The following RPA1 variants were observed in gnomAD, a reference collection of about 807,000 sequenced individuals.
RPA1 encodes replication protein A 70 kDa DNA-binding subunit.
Under a neutral mutation model 83.0 loss-of-function variants are expected in RPA1, and 49 were observed. That is an observed-to-expected ratio of 0.59 (90% CI 0.47 to 0.75). The LOEUF (loss-of-function observed/expected upper bound fraction) is 0.75, where lower values mean the gene tolerates loss of function less well. Ranked by LOEUF, RPA1 falls within the 30% of genes least tolerant of loss-of-function variation. The probability of loss-of-function intolerance (pLI) is 0.00; values close to 1 mark genes in which losing one functional copy is unlikely to be tolerated. For missense variants in RPA1, 693 were observed against 776.1 expected, an observed-to-expected ratio of 0.89 and a Z score of 1.27; for synonymous variants, 279 against 281.8, an observed-to-expected ratio of 0.99 and a Z score of 0.10.
chr17:1,851,600 G>A lies in RPA1; in HGVS notation c.273-1501G>A, dbSNP rs77677135. On this transcript the variant is annotated intron_variant, in intron 4 of 16. Coordinates refer to ENST00000254719, the MANE Select transcript of RPA1 (RefSeq NM_002945.5). ...GCTGATATTTTATTTAGGATTTATGGGATATTGCAGGATGAAATTAGTTTT... is the reference window on the plus strand; with the variant it reads ...GCTGATATTTTATTTAGGATTTATGAGATATTGCAGGATGAAATTAGTTTT... 3.6e-3 allele frequency among the ~76,000 whole-genome samples: 545 copies of A among 152,138 alleles called. 5 individuals carry two copies. The highest frequency in any genetic ancestry group is 0.013 in the African/African-American group (526 of 41,496).
chr17:1,877,738 G>C (rs992310797), intron 8 of RPA1, among the ~76,000 whole-genome samples: 3 of 152,172 alleles, frequency 2.0e-5, no homozygotes, highest in African/African-American at 7.2e-5. Flanking sequence ...TGAGCGCCGT[G>C]GAGCTTTGGG....
chr17:1,880,721 A>C (rs776868271), intron 12 of RPA1, 30 bp downstream of exon 12: 33 of 1,608,144 alleles, frequency 2.1e-5, no homozygotes, highest in Non-Finnish European at 2.8e-5. Context: ...ACAAAGGGTT[A>C]CTTGAGGCTG....
chr17:1,837,659 A>G (rs527586481), intron 1 of RPA1, among the ~76,000 whole-genome samples: 5 of 152,036 alleles, frequency 3.3e-5, no homozygotes, highest in East Asian at 3.9e-4. Context: ...TTTTATTTGT[A>G]TTTCTCTGGT....
intron 5 of RPA1, chr17:1,858,557 G>A (rs528951994): frequency 6.8e-4 from 446 of 660,608 alleles, no homozygotes; most frequent in Non-Finnish European, 8.4e-4. Context: ...TCCGCCTCCC[G>A]GGTTCAAGCG....
At chr17:1,865,735 A>G (rs904172205) in intron 5 of RPA1, among the ~76,000 whole-genome samples, 4 of 152,066 alleles carry the variant, frequency 2.6e-5, no homozygotes, top group Admixed American at 2.6e-4. Context: ...TCCGTACTCC[A>G]CTTTGCCTAC....
At chr17:1,837,293 T>C (rs770067510) in intron 1 of RPA1, among the ~76,000 whole-genome samples, 52 of 152,190 alleles carry the variant, frequency 3.4e-4, no homozygotes, top group Non-Finnish European at 6.9e-4. Context: ...GATTTACCCA[T>C]GTTAATTCAG....
chr17:1,893,095 C>CT (rs933580418), intron 15 of RPA1, among the ~76,000 whole-genome samples: 15 of 152,278 alleles, frequency 9.9e-5, no homozygotes, highest in African/African-American at 2.9e-4. Flanking sequence ...TGCCCTGACT[C>CT]TTTTTTTAAA....
chr17:1,868,221 T>C (rs1913252450), intron 5 of RPA1, among the ~76,000 whole-genome samples: 1 of 152,216 alleles, frequency 6.6e-6, no homozygotes, highest in African/African-American at 2.4e-5. Context: ...CAGGATTACT[T>C]ACTCTCGAAT....
At chr17:1,896,944 T>A in intron 16 of RPA1, 127 bp from the exon 17 acceptor site, 1 of 754,660 alleles carries the variant, frequency 1.3e-6, no homozygotes. Flanking sequence ...CTCACTGGAA[T>A]GACTGAACTC....
At chr17:1,837,671 G>A (rs1597416470) in intron 1 of RPA1, among the ~76,000 whole-genome samples, 2 of 152,262 alleles carry the variant, frequency 1.3e-5, no homozygotes, top group East Asian at 1.9e-4. Flanking sequence ...TTCTCTGGTG[G>A]CTAGTGACGT....
chr17:1,883,684 C>T (rs1002263225), intron 12 of RPA1, 128 bp from the exon 13 acceptor site: 18 of 1,075,444 alleles, frequency 1.7e-5, no homozygotes, highest in Admixed American at 3.8e-5. Flanking sequence ...CCGACATGAC[C>T]GTGACCTGTG....
In RPA1 at chr17:1,891,925, G is replaced by A; in HGVS notation, c.1644G>A (p.Gly548=). The change falls in exon 15 of 17, where the codon GGG becomes GGA. Residue 548 remains glycine (G), a synonymous_variant. Transcript: ENST00000254719. Reference sequence around the variant, plus strand: ...TTGGACAAAATGCTGCTTATCTTGGGGAATTAAAAGACAAGGTCAGCCACA... The same window carrying A: ...TTGGACAAAATGCTGCTTATCTTGGAGAATTAAAAGACAAGGTCAGCCACA... ...AILGQNAAYL[G]ELKDKNEQAF... is the part of the protein sequence containing the mutation. 2 of 1,602,358 alleles carry A rather than the reference G, an allele frequency of 1.2e-6. No homozygotes were observed. Among genetic ancestry groups the A allele is most frequent in the Non-Finnish European group, 1.7e-6 (2 of 1,171,026 alleles).
At chr17:1,848,465 G>C (rs1441058058) in intron 4 of RPA1, among the ~76,000 whole-genome samples, 1 of 151,676 alleles carries the variant, frequency 6.6e-6, no homozygotes, top group African/African-American at 2.4e-5. Context: ...ACAAAAATCA[G>C]CCGGGCATGG....
At chr17:1,839,635 ATTT>A (rs144744428) in intron 1 of RPA1, among the ~76,000 whole-genome samples, 2 of 131,240 alleles carry the variant, frequency 1.5e-5, no homozygotes, top group African/African-American at 2.8e-5. Context: ...CTCTAGCTTC[ATTT>A]TTTTTTTTTT....
chr17:1,896,441 C>A (rs1178285061), intron 16 of RPA1, among the ~76,000 whole-genome samples: 1 of 152,116 alleles, frequency 6.6e-6, no homozygotes, highest in Non-Finnish European at 1.5e-5. Flanking sequence ...CACGTATTTA[C>A]CTTAACGCCC....
intron 6 of RPA1, among the ~76,000 whole-genome samples, chr17:1,874,008 AAAAAATATAT>A (rs1410231646): frequency 9.8e-6 from 1 of 102,354 alleles, no homozygotes. Context: ...AAAAAAAAAA[AAAAAATATAT>A]ATATATATAT....
At chr17:1,872,212 G>A (rs770205010) in intron 5 of RPA1, 3 of 598,550 alleles carry the variant, frequency 5.0e-6, no homozygotes, top group Non-Finnish European at 8.8e-6. Context: ...TTCTAAGCAG[G>A]TGAAAGGTAG....
chr17:1,878,973 C>T lies in RPA1; in HGVS notation c.691-20C>T. 2 of 1,614,124 alleles carry T rather than the reference C, an allele frequency of 1.2e-6. No individual in the cohort carries two copies. Among genetic ancestry groups the T allele is most frequent in the East Asian group, 4.5e-5 (2 of 44,888 alleles). ...CTGTGTTCAATCCCGCAGCCCTAACCTGCCCACGTGCTTCTGCAGGGTGAA... is the reference window on the plus strand; with the variant it reads ...CTGTGTTCAATCCCGCAGCCCTAACTTGCCCACGTGCTTCTGCAGGGTGAA... On this transcript the variant is annotated intron_variant, in intron 8 of 16. Transcript: ENST00000254719.
At chr17:1,873,555 ACT>A (rs1157562800) in intron 6 of RPA1, among the ~76,000 whole-genome samples, 3 of 151,830 alleles carry the variant, frequency 2.0e-5, no homozygotes, top group Non-Finnish European at 2.9e-5. Context: ...TTTCTGTGAA[ACT>A]CTCAGGACTT....
Sources: allele counts gnomAD v4.1 joint callset (sites outside exome capture counted in the v4.1 genomes callset), GRCh38; gene constraint gnomAD v4.1.1; transcripts MANE v1.5; gene names NCBI Gene and HGNC (gene_info 2026-07-23, HGNC 2026-07-21).